The following CCDC186 variants were observed in gnomAD, a reference collection of about 807,000 sequenced individuals.
CCDC186 encodes the protein coiled-coil domain-containing protein 186.
Under a neutral mutation model 113.7 loss-of-function variants are expected in CCDC186, and 49 were observed. The observed-to-expected ratio is 0.43, with a 90% CI of 0.34 to 0.55. The LOEUF (loss-of-function observed/expected upper bound fraction) is 0.55. Among genes scored for constraint, CCDC186 ranks in the 20% least tolerant of loss-of-function variants. The pLI is 0.02. For synonymous variants in CCDC186, 355 were observed against 345.8 expected (o/e 1.03, Z -0.30); for missense variants, 890 against 1,011.1 (o/e 0.88, Z 1.62).
At chr10:114,130,104 C>A in intron 12 of CCDC186, 133 bp from the exon 13 acceptor site, 2 of 658,020 alleles carry the variant, frequency 3.0e-6, no homozygotes, top group Non-Finnish European at 5.2e-6. Context: ...ATACTTTAGG[C>A]AGAGGGCTAT....
intron 6 of CCDC186, among the ~76,000 whole-genome samples, chr10:114,141,575 C>G (rs1478177405): frequency 6.6e-6 from 1 of 152,102 alleles, no homozygotes; most frequent in African/African-American, 2.4e-5. Flanking sequence ...CTTGTGGGAG[C>G]TCTAGGGATT....
chr10:114,168,773 T>C (rs774726094), intron 1 of CCDC186, among the ~76,000 whole-genome samples: 1 of 152,234 alleles, frequency 6.6e-6, no homozygotes, highest in Non-Finnish European at 1.5e-5. Context: ...TGCCTCTGCA[T>C]TTCTTAAAAC....
intron 5 of CCDC186, among the ~76,000 whole-genome samples, chr10:114,145,336 CT>C (rs5788055): frequency 1.3e-5 from 2 of 151,898 alleles, no homozygotes; most frequent in Admixed American, 1.3e-4. Flanking sequence ...TGTGCCAACA[CT>C]TATTTTTTCC....
At chr10:114,155,776 T>C (rs1174496578) in intron 3 of CCDC186, among the ~76,000 whole-genome samples, 1 of 152,116 alleles carries the variant, frequency 6.6e-6, no homozygotes, top group Non-Finnish European at 1.5e-5. Flanking sequence ...ATATTATCAA[T>C]CCACATGAAA....
intron 1 of CCDC186, among the ~76,000 whole-genome samples, chr10:114,167,799 TAAAAAAAAAAAAAAA>T (rs60257583): frequency 1.4e-5 from 1 of 71,296 alleles, no homozygotes; most frequent in Non-Finnish European, 2.6e-5. Context: ...CTAATCTCCG[TAAAAAAAAAAAAAAA>T]AAAAAAAAAA....
intron 1 of CCDC186, among the ~76,000 whole-genome samples, chr10:114,164,831 G>C (rs1382544292): frequency 1.3e-5 from 2 of 152,168 alleles, no homozygotes; most frequent in South Asian, 2.1e-4. Flanking sequence ...GATGAAAAGA[G>C]AGAGAGAAGA....
At chr10:114,165,097 A>C (rs774058127) in intron 1 of CCDC186, among the ~76,000 whole-genome samples, 1 of 152,244 alleles carries the variant, frequency 6.6e-6, no homozygotes, top group Admixed American at 6.5e-5. Context: ...TGTTTGCTAA[A>C]TATGCTAATT....
chr10:114,146,218 A>G (rs2031636852), intron 4 of CCDC186, among the ~76,000 whole-genome samples: 1 of 152,198 alleles, frequency 6.6e-6, no homozygotes, highest in African/African-American at 2.4e-5. Context: ...AGGTTGGCTG[A>G]TGGCCACTCC....
chr10:114,150,773 C>T (rs2031831766), intron 4 of CCDC186, among the ~76,000 whole-genome samples: 1 of 152,070 alleles, frequency 6.6e-6, no homozygotes, highest in Admixed American at 6.5e-5. Context: ...CTCAGCCTCC[C>T]AAGTAGCTGG....
At chr10:114,154,789 T>C (rs972560869) in intron 3 of CCDC186, among the ~76,000 whole-genome samples, 1 of 152,204 alleles carries the variant, frequency 6.6e-6, no homozygotes, top group African/African-American at 2.4e-5. Flanking sequence ...GTATTATTCA[T>C]AATAGTCAAA....
chr10:114,136,304 T>C, intron 7 of CCDC186, 58 bp from the exon 8 acceptor site: 1 of 1,214,794 alleles, frequency 8.2e-7, no homozygotes, highest in Non-Finnish European at 1.2e-6. Context: ...CCGTTTGCCC[T>C]GAGAATACTC....
intron 5 of CCDC186, 80 bp from the exon 6 acceptor site, chr10:114,144,696 C>A: frequency 7.8e-7 from 1 of 1,279,130 alleles, no homozygotes; most frequent in Non-Finnish European, 1.1e-6. Context: ...ACAAAGTAAT[C>A]AGTCCAGTAA....
chr10:114,172,730 A>G (rs1216341113), intron 1 of CCDC186, among the ~76,000 whole-genome samples: 16 of 152,266 alleles, frequency 1.1e-4, no homozygotes, highest in Admixed American at 1.0e-3. Flanking sequence ...TGCATTAAAA[A>G]TAACATGAAA....
At chr10:114,144,691 G>A in intron 5 of CCDC186, 75 bp from the exon 6 acceptor site, 1 of 1,320,648 alleles carries the variant, frequency 7.6e-7, no homozygotes, top group African/African-American at 1.5e-5. Flanking sequence ...TCCCCACAAA[G>A]TAATCAGTCC....
chr10:114,141,936 ATT>A (rs1454239088), intron 6 of CCDC186, among the ~76,000 whole-genome samples: 1 of 151,996 alleles, frequency 6.6e-6, no homozygotes, highest in Non-Finnish European at 1.5e-5. Flanking sequence ...CATTTCATAT[ATT>A]TTGTCTTTTG....
intron 1 of CCDC186, among the ~76,000 whole-genome samples, chr10:114,166,770 A>G (rs528910720): frequency 6.6e-6 from 1 of 152,326 alleles, no homozygotes; most frequent in East Asian, 1.9e-4. Flanking sequence ...TAAGATGACA[A>G]TGTGGAAGAC....
intron 1 of CCDC186, among the ~76,000 whole-genome samples, chr10:114,167,778 C>T (rs1261478700): frequency 4.2e-5 from 3 of 71,520 alleles, no homozygotes; most frequent in Non-Finnish European, 7.7e-5. Flanking sequence ...GCCTGGGCAA[C>T]ATAACAAGAC....
chr10:114,150,298 A>G (rs1226135915), intron 4 of CCDC186, among the ~76,000 whole-genome samples: 1 of 152,248 alleles, frequency 6.6e-6, no homozygotes, highest in Non-Finnish European at 1.5e-5. Context: ...GGCAAGTAAT[A>G]AAAAAGCACT....
chr10:114,146,363 T>C (rs1341663094), intron 4 of CCDC186, among the ~76,000 whole-genome samples: 1 of 152,232 alleles, frequency 6.6e-6, no homozygotes, highest in Non-Finnish European at 1.5e-5. Context: ...AGAATCTTTT[T>C]ATTAAATTAT....
Sources: allele counts gnomAD v4.1 joint callset (sites outside exome capture counted in the v4.1 genomes callset), GRCh38; gene constraint gnomAD v4.1.1; transcripts MANE v1.5; gene names NCBI Gene and HGNC (gene_info 2026-07-23, HGNC 2026-07-21).